Variants in LRRC7 observed in about 807,000 individuals in gnomAD.
LRRC7 encodes leucine rich repeat containing 7, also known as leucine-rich repeat-containing protein 7.
LRRC7 carries 23 observed loss-of-function variants against 175.7 expected under a neutral mutation model. The observed-to-expected ratio is 0.13, with a 90% CI of 0.09 to 0.19. The LOEUF (loss-of-function observed/expected upper bound fraction) is 0.19, where lower values mean the gene tolerates loss of function less well. Among genes scored for constraint, LRRC7 ranks in the 10% least tolerant of loss-of-function variants. LRRC7 has a pLI of 1.00. For synonymous variants in LRRC7, 685 were observed against 680.9 expected (o/e 1.01, Z -0.09); for missense variants, 1,354 against 1,904.7 (o/e 0.71, Z 5.38).
intron 1 of LRRC7, among the ~76,000 whole-genome samples, chr1:69,665,712 T>C (rs1658163821): frequency 6.6e-6 from 1 of 152,098 alleles, no homozygotes; most frequent in African/African-American, 2.4e-5. Flanking sequence ...TAAGTTCTAA[T>C]AGTTTTCTTG....
intron 7 of LRRC7, among the ~76,000 whole-genome samples, chr1:69,910,930 G>A (rs756657003): frequency 4.2e-4 from 64 of 152,160 alleles, no homozygotes; most frequent in African/African-American, 6.0e-4. Context: ...CCTCGCTGCC[G>A]CCTTGCAGTT....
At chr1:70,059,551 C>T (rs687531) in intron 23 of LRRC7, among the ~76,000 whole-genome samples, 86,860 of 145,790 alleles carry the variant, frequency 0.6, 26,635 homozygotes, top group Middle Eastern at 0.67. Flanking sequence ...CTTCCTTTAC[C>T]CCACCCCCAC....
In LRRC7 at chr1:69,658,331, T is replaced by C. The variant is rs568931520; in HGVS notation, c.3-20050T>C. Reference sequence around the variant, plus strand: ...TTTATTTGTTTTTTAAAATGGGATCTCCATTATTGTCAGCATGAAGCACTA... The same window carrying C: ...TTTATTTGTTTTTTAAAATGGGATCCCCATTATTGTCAGCATGAAGCACTA... On this transcript the variant is annotated intron_variant, in intron 1 of 26. Coordinates refer to ENST00000651989, the MANE Select transcript of LRRC7 (RefSeq NM_001370785.2). Among the ~76,000 whole-genome samples the C allele has an allele frequency of 4.6e-5, 7 of 152,132 alleles. No homozygotes were observed. In the South Asian group the frequency reaches 1.4e-3, roughly 31 times the overall value.
At chr1:70,001,207 A>G (rs1655489787) in intron 11 of LRRC7, among the ~76,000 whole-genome samples, 1 of 152,180 alleles carries the variant, frequency 6.6e-6, no homozygotes, top group Admixed American at 6.6e-5. Flanking sequence ...CAGAACAACT[A>G]TATAGAAATC....
In LRRC7 at chr1:70,142,511, CAGT is replaced by C. The variant is rs1667104692; in HGVS notation, c.*20627_*20629del. 1 of 152,074 alleles carries C rather than the reference CAGT, an allele frequency of 6.6e-6. No individual in the cohort carries two copies. Among genetic ancestry groups the C allele is most frequent in the Non-Finnish European group, 1.5e-5 (1 of 67,978 alleles). 9.4% of individuals were successfully genotyped at this position (152,074 alleles called of 1,614,324 possible). On this transcript the variant is annotated 3_prime_UTR_variant, in exon 27 of 27. Transcript: ENST00000651989. ...AGCCAATCAAGTTTCTCTTTGTACTCAGTAGGGACTAAAGGAAGCTTAAGGATA... is the reference window on the plus strand; with the variant it reads ...AGCCAATCAAGTTTCTCTTTGTACTCAGGGACTAAAGGAAGCTTAAGGATA...
intron 2 of LRRC7, among the ~76,000 whole-genome samples, chr1:69,729,498 T>C (rs192844374): frequency 6.1e-4 from 93 of 152,292 alleles, no homozygotes; most frequent in Middle Eastern, 3.4e-3. Context: ...ACAGGCCCCA[T>C]GCAAGTCCAA....
intron 2 of LRRC7, among the ~76,000 whole-genome samples, chr1:69,708,814 A>G (rs566195886): frequency 4.6e-5 from 7 of 152,246 alleles, no homozygotes; most frequent in African/African-American, 1.4e-4. Flanking sequence ...TATAGCCTTT[A>G]TGTGTGGCAG....
At chr1:69,597,604 G>C (rs1773309) in intron 1 of LRRC7, among the ~76,000 whole-genome samples, 22,985 of 151,928 alleles carry the variant, frequency 0.15, 1,917 homozygotes, top group Admixed American at 0.19. Context: ...CATAATGTCC[G>C]TAGCACCTAA....
At chr1:69,927,319 G>C (rs764059773) in intron 7 of LRRC7, among the ~76,000 whole-genome samples, 2 of 152,086 alleles carry the variant, frequency 1.3e-5, no homozygotes, top group South Asian at 2.1e-4. Flanking sequence ...TATCTTTGTG[G>C]CGTTCTCTGT....
At chr1:70,036,731 T>A (rs1571119776) in intron 20 of LRRC7, 107 bp downstream of exon 20, 1 of 765,750 alleles carries the variant, frequency 1.3e-6, no homozygotes, top group Non-Finnish European at 1.8e-6. Flanking sequence ...ACAAGTGGCA[T>A]AGAAGACAGA....
chr1:69,858,266 C>A (rs1683940470), intron 7 of LRRC7, among the ~76,000 whole-genome samples: 2 of 152,092 alleles, frequency 1.3e-5, no homozygotes, highest in African/African-American at 2.4e-5. Context: ...CAAATGGGAT[C>A]TAATTAAACT....
Position 70,126,325 on chromosome 1 carries a change from G to A in LRRC7, c.*4438G>A, listed in dbSNP as rs1356333357. 6.6e-6 allele frequency among the ~76,000 whole-genome samples: 1 copy of A among 151,808 alleles called. No homozygotes were observed. The highest frequency in any genetic ancestry group is 2.4e-5 in the African/African-American group (1 of 41,292). ...GTTATGCAAATAATGAAATCCAATA[G>A]GTTAAGAAGATGGGTCCTTTATCTA... is the stretch of plus-strand genomic sequence containing the variant. On this transcript the variant is annotated 3_prime_UTR_variant, in exon 27 of 27. Coordinates refer to ENST00000651989, the MANE Select transcript of LRRC7 (RefSeq NM_001370785.2).
intron 1 of LRRC7, among the ~76,000 whole-genome samples, chr1:69,599,704 A>C (rs1418188814): frequency 6.6e-6 from 1 of 152,184 alleles, no homozygotes; most frequent in Non-Finnish European, 1.5e-5. Context: ...CTTGCCATCC[A>C]GTCCCTTTTT....
chr1:69,752,681 A>C (rs1669965944), intron 2 of LRRC7, among the ~76,000 whole-genome samples: 1 of 152,096 alleles, frequency 6.6e-6, no homozygotes, highest in South Asian at 2.1e-4. Flanking sequence ...TCTGTGGGAG[A>C]GTATTGAAAA....
chr1:70,113,680 C>T (rs1291980757), intron 26 of LRRC7, among the ~76,000 whole-genome samples: 2 of 151,666 alleles, frequency 1.3e-5, no homozygotes, highest in Non-Finnish European at 2.9e-5. Context: ...AAGTTTTGTA[C>T]TTTCAGTATA....
intron 2 of LRRC7, among the ~76,000 whole-genome samples, chr1:69,706,521 C>A (rs977108568): frequency 2.0e-5 from 3 of 152,176 alleles, no homozygotes; most frequent in African/African-American, 4.8e-5. Context: ...CAACAACCTG[C>A]AAGTCATTTT....
chr1:69,623,015 G>A (rs764803698), intron 1 of LRRC7, among the ~76,000 whole-genome samples: 1 of 152,126 alleles, frequency 6.6e-6, no homozygotes, highest in Non-Finnish European at 1.5e-5. Flanking sequence ...TACTGCTGGG[G>A]ATGTTCAGAG....
intron 23 of LRRC7, among the ~76,000 whole-genome samples, chr1:70,061,772 T>C (rs1661596897): frequency 6.6e-6 from 1 of 152,170 alleles, no homozygotes; most frequent in Admixed American, 6.6e-5. Context: ...AAATTACCTC[T>C]AGATCTACGG....
intron 1 of LRRC7, among the ~76,000 whole-genome samples, chr1:69,625,640 T>C (rs996494287): frequency 6.6e-6 from 1 of 152,080 alleles, no homozygotes; most frequent in Admixed American, 6.5e-5. Context: ...TGGCTATAAA[T>C]AGATTTTAGC....
Sources: allele counts gnomAD v4.1 joint callset (sites outside exome capture counted in the v4.1 genomes callset), GRCh38; gene constraint gnomAD v4.1.1; transcripts MANE v1.5; gene names NCBI Gene and HGNC (gene_info 2026-07-23, HGNC 2026-07-21).